Variants in EVA1C observed in about 807,000 individuals in gnomAD.
EVA1C encodes protein eva-1 homolog C.
A neutral mutation model predicts 45.4 loss-of-function variants in EVA1C; 25 were observed. That is an observed-to-expected ratio of 0.55 (90% confidence interval 0.40 to 0.77). The LOEUF (loss-of-function observed/expected upper bound fraction) is 0.77. Ranked by LOEUF, EVA1C falls within the 30% of genes least tolerant of loss-of-function variation. EVA1C has a pLI of 0.00. For synonymous variants in EVA1C, 190 were observed against 221.2 expected (o/e 0.86, Z 1.25); for missense variants, 479 against 554.8 (o/e 0.86, Z 1.37).
intron 4 of EVA1C, among the ~76,000 whole-genome samples, chr21:32,490,827 C>T (rs932045245): frequency 5.3e-5 from 8 of 152,178 alleles, no homozygotes; most frequent in African/African-American, 9.7e-5. Context: ...ACTTTCTTCC[C>T]GTGAGCAGCT....
chr21:32,501,299 G>C (rs1341089279), intron 5 of EVA1C, 116 bp from the exon 6 acceptor site: 1 of 844,774 alleles, frequency 1.2e-6, no homozygotes, highest in Non-Finnish European at 1.8e-6. Flanking sequence ...AGTGATTCTT[G>C]CACTGATTTG....
At chr21:32,512,887 G>A (rs1371286131) in intron 7 of EVA1C, among the ~76,000 whole-genome samples, 1 of 152,080 alleles carries the variant, frequency 6.6e-6, no homozygotes, top group Non-Finnish European at 1.5e-5. Flanking sequence ...GCAGGATGGG[G>A]AGGAAAGGAG....
intron 4 of EVA1C, among the ~76,000 whole-genome samples, chr21:32,484,657 T>C (rs2036909898): frequency 6.6e-6 from 1 of 152,164 alleles, no homozygotes; most frequent in Admixed American, 6.5e-5. Flanking sequence ...ATTCCTCCCC[T>C]ACTTAGAGAC....
intron 3 of EVA1C, among the ~76,000 whole-genome samples, 173 bp downstream of exon 3, chr21:32,457,893 A>G (rs1206762515): frequency 6.6e-6 from 1 of 152,218 alleles, no homozygotes; most frequent in Non-Finnish European, 1.5e-5. Flanking sequence ...AGAAAGACAG[A>G]GAAAGAAAGA....
At position 32,480,572 on chromosome 21, in the gene EVA1C, G is replaced by A. The variant is rs539275111; in HGVS notation, c.634+12724G>A. On this transcript the variant is annotated intron_variant, in intron 4 of 7. Coordinates refer to ENST00000300255, the MANE Select transcript of EVA1C (RefSeq NM_058187.5). ...AGTCCCAGCTACTCGGGAGGCTAAC[G>A]TGGGAGGATTGCTTAAGGCCAGGGA... is the stretch of plus-strand genomic sequence containing the variant. Among the ~76,000 whole-genome samples the A allele has an allele frequency of 2.0e-5, 3 of 152,366 alleles. No homozygotes were observed. In the South Asian group the frequency reaches 6.2e-4, roughly 32 times the overall value.
At chr21:32,486,296 G>C (rs1371131372) in intron 4 of EVA1C, among the ~76,000 whole-genome samples, 5 of 152,118 alleles carry the variant, frequency 3.3e-5, no homozygotes. Context: ...GTTAATTTTT[G>C]TATTTTTAGT....
chr21:32,508,719 C>T (rs1292203449), intron 7 of EVA1C, among the ~76,000 whole-genome samples: 5 of 152,220 alleles, frequency 3.3e-5, no homozygotes, highest in Non-Finnish European at 7.3e-5. Flanking sequence ...ATCCTCTCAA[C>T]AGCAATAGGG....
At chr21:32,466,101 C>T (rs1305626873) in intron 3 of EVA1C, among the ~76,000 whole-genome samples, 1 of 147,294 alleles carries the variant, frequency 6.8e-6, no homozygotes, top group East Asian at 2.1e-4. Context: ...TTTGTGTCTG[C>T]AGTGTTAGCT....
At chr21:32,476,986 C>T (rs368808851) in intron 4 of EVA1C, among the ~76,000 whole-genome samples, 3 of 152,180 alleles carry the variant, frequency 2.0e-5, no homozygotes, top group African/African-American at 4.8e-5. Context: ...GTCGGCCACA[C>T]ACCCCACTCT....
intron 3 of EVA1C, among the ~76,000 whole-genome samples, chr21:32,462,464 G>T (rs1016554643): frequency 6.6e-6 from 1 of 152,348 alleles, no homozygotes; most frequent in African/African-American, 2.4e-5. Context: ...ACTGGCAATT[G>T]TATGCAATGT....
intron 3 of EVA1C, among the ~76,000 whole-genome samples, chr21:32,461,297 C>G (rs1462970513): frequency 6.6e-6 from 1 of 152,196 alleles, no homozygotes; most frequent in Non-Finnish European, 1.5e-5. Context: ...AGTTGGGGCT[C>G]TATCTATAGG....
rs997024514 is a variant in EVA1C at position 32,412,815 on chromosome 21, G to A, written c.-39G>A. ...TCCTTAGCCCTGCGACCCCCAGCGC[G>A]TCCCGGGCCTGCGCCTCCGCCCCGC... On this transcript the variant is annotated 5_prime_UTR_variant, in exon 1 of 8. Transcript: ENST00000300255. 1 of 1,350,274 alleles carries A rather than the reference G, an allele frequency of 7.4e-7. No individual in the cohort carries two copies. Among genetic ancestry groups the A allele is most frequent in the Non-Finnish European group, 9.4e-7 (1 of 1,059,242 alleles). The allele number at this position is 1,350,274 out of a possible 1,614,324, so 83.6% of individuals were successfully genotyped here.
intron 4 of EVA1C, among the ~76,000 whole-genome samples, chr21:32,487,719 CAAAA>C (rs61448371): frequency 1.7e-5 from 2 of 119,580 alleles, no homozygotes. Flanking sequence ...GACTCCATCT[CAAAA>C]AAAAAAAAAA....
At chr21:32,428,168 G>A (rs1287259929) in intron 1 of EVA1C, among the ~76,000 whole-genome samples, 2 of 152,188 alleles carry the variant, frequency 1.3e-5, no homozygotes, top group African/African-American at 2.4e-5. Flanking sequence ...TTAGTCCAGC[G>A]TGGAGGCGAC....
At chr21:32,467,917 T>G in intron 4 of EVA1C, 69 bp downstream of exon 4, 2 of 889,316 alleles carry the variant, frequency 2.2e-6, no homozygotes, top group Non-Finnish European at 1.5e-6. Flanking sequence ...TATATATATA[T>G]ATATCCTATA....
chr21:32,468,112 C>G (rs2036245222), intron 4 of EVA1C: 1 of 165,514 alleles, frequency 6.0e-6, no homozygotes, highest in South Asian at 2.0e-4. Context: ...TGGCTCACGC[C>G]TATAATCCTA....
intron 4 of EVA1C, among the ~76,000 whole-genome samples, chr21:32,493,044 C>A (rs1157722656): frequency 6.6e-6 from 1 of 152,150 alleles, no homozygotes; most frequent in Non-Finnish European, 1.5e-5. Context: ...ATTTATTGGG[C>A]TCCTACAGTG....
chr21:32,512,459 C>T (rs902168296), intron 7 of EVA1C, among the ~76,000 whole-genome samples: 19 of 152,166 alleles, frequency 1.2e-4, no homozygotes, highest in Admixed American at 9.2e-4. Context: ...ACTTCCTTCA[C>T]TTATAGCTCA....
In EVA1C at chr21:32,420,380, A is replaced by G. The variant is rs1032848419; in HGVS notation, c.160+7367A>G. On this transcript the variant is annotated intron_variant, in intron 1 of 7. Transcript: ENST00000300255. ...GCGAGACCCTGTCTCAAGAAAAAAGAAAAAAAATTATCTTTTACTTTTGAG... is the reference window on the plus strand; with the variant it reads ...GCGAGACCCTGTCTCAAGAAAAAAGGAAAAAAATTATCTTTTACTTTTGAG... Among the ~76,000 whole-genome samples, 3 of 152,084 alleles carry G rather than the reference A, an allele frequency of 2.0e-5. No individual in the cohort carries two copies. In the East Asian group the frequency reaches 5.8e-4, roughly 29 times the overall value.
Sources: allele counts gnomAD v4.1 joint callset (sites outside exome capture counted in the v4.1 genomes callset), GRCh38; gene constraint gnomAD v4.1.1; transcripts MANE v1.5; gene names NCBI Gene and HGNC (gene_info 2026-07-23, HGNC 2026-07-21).